RXRA: variants seen among roughly 807,000 people sequenced by gnomAD.
RXRA encodes retinoic acid receptor RXR-alpha.
RXRA carries 5 observed loss-of-function variants against 44.5 expected under a neutral mutation model. That is an observed-to-expected ratio of 0.11 (90% CI 0.06 to 0.24). The LOEUF is 0.24. Among genes scored for constraint, RXRA ranks in the 10% least tolerant of loss-of-function variants. RXRA has a pLI of 1.00. For synonymous variants in RXRA, 291 were observed against 271.4 expected, an observed-to-expected ratio of 1.07 and a Z score of -0.71; for missense variants, 412 against 646.5, an observed-to-expected ratio of 0.64 and a Z score of 3.93.
intron 6 of RXRA, chr9:134,422,931 T>C (rs563678019): frequency 2.0e-6 from 2 of 985,476 alleles, no homozygotes; most frequent in East Asian, 2.3e-4. Flanking sequence ...CGCAGCTCTC[T>C]TTCCATGCGG....
intron 1 of RXRA, among the ~76,000 whole-genome samples, chr9:134,401,141 C>T (rs991207916): frequency 1.3e-5 from 2 of 152,228 alleles, no homozygotes; most frequent in African/African-American, 4.8e-5. Flanking sequence ...ACGAATTTAC[C>T]CACGCTCAGA....
At chr9:134,381,440 G>C (rs1830645175) in intron 1 of RXRA, among the ~76,000 whole-genome samples, 1 of 152,160 alleles carries the variant, frequency 6.6e-6, no homozygotes, top group African/African-American at 2.4e-5. Context: ...GTCTGAGCGG[G>C]AGAGGGAAGG....
rs571426922 is a variant in RXRA, at chr9:134,433,951, C to T, written c.1136-151C>T. The T allele has an allele frequency of 4.4e-5, 26 of 589,150 alleles. No individual in the cohort carries two copies. The highest frequency in any genetic ancestry group is 8.7e-5 in the East Asian group (3 of 34,556). 36.5% of individuals were successfully genotyped at this position (589,150 alleles called of 1,614,324 possible). ...CCCCTGCCACCAGGCTCTGGGGGAG[C>T]GGGCGGAGGCATGTCCAGCGGCATT... On this transcript the variant is annotated intron_variant, in intron 8 of 9. Transcript: ENST00000481739. The surrounding 1 kb of genome is among the most constrained non-coding windows in gnomAD (Gnocchi z 4.2).
chr9:134,368,409 C>G (rs145383682), intron 1 of RXRA, among the ~76,000 whole-genome samples: 1 of 152,388 alleles, frequency 6.6e-6, no homozygotes, highest in Non-Finnish European at 1.5e-5. Context: ...CCACCGGGTC[C>G]TTCCCGCACT....
At chr9:134,375,080 C>T (rs1342705861) in intron 1 of RXRA, among the ~76,000 whole-genome samples, 1 of 152,152 alleles carries the variant, frequency 6.6e-6, no homozygotes, top group East Asian at 1.9e-4. Flanking sequence ...GAGACCCCTA[C>T]CCCAACTGAG....
Position 134,439,119 on chromosome 9 carries a change from A to G in RXRA, c.*2505A>G, listed in dbSNP as rs1346378965. 6.6e-6 allele frequency: 1 copy of G among 152,252 alleles called. No homozygotes were observed. Among genetic ancestry groups the G allele is most frequent in the East Asian group, 1.9e-4 (1 of 5,188 alleles). 9.4% of individuals were successfully genotyped at this position (152,252 alleles called of 1,614,324 possible). A position where few individuals can be genotyped will look rare whatever the true frequency, so the allele number is the denominator to read the frequency against. On this transcript the variant is annotated 3_prime_UTR_variant, in exon 10 of 10. Transcript: ENST00000481739. Reference sequence around the variant, plus strand: ...GTAGTAGTATTACCAATCCAGTTCAATTAAGGTGATTTTTTGTAATTATTA... The same window carrying G: ...GTAGTAGTATTACCAATCCAGTTCAGTTAAGGTGATTTTTTGTAATTATTA...
intron 6 of RXRA, chr9:134,422,564 C>G: frequency 8.6e-7 from 1 of 1,166,806 alleles, no homozygotes; most frequent in Non-Finnish European, 1.1e-6. Flanking sequence ...ACAGTCCCCA[C>G]TCCCGGGACA....
rs1830109559 is a variant in RXRA at position 134,343,364 on chromosome 9, TG to T, written c.28+16708del. 6.6e-6 allele frequency among the ~76,000 whole-genome samples: 1 copy of T among 152,050 alleles called. No individual in the cohort carries two copies. The highest frequency in any genetic ancestry group is 2.1e-4 in the South Asian group (1 of 4,828). On this transcript the variant is annotated intron_variant, in intron 1 of 9. Coordinates refer to ENST00000481739, the MANE Select transcript of RXRA (RefSeq NM_002957.6). The surrounding 1 kb of genome is among the most constrained non-coding windows in gnomAD (Gnocchi z 4.1). ...TCTGAACCTCAGTGTCTTTGAGGGC[TG>T]GGAGGAGGAGTTTCTTCTTCTGGGT...
Position 134,438,326 on chromosome 9 carries a change from T to C in RXRA, c.*1712T>C, listed in dbSNP as rs1452707217. ...GGCTTGGAGAGGCAGCTTTCCAGCC[T>C]TGGTGGGGAAGAAAGTGTCCATTCT... On this transcript the variant is annotated 3_prime_UTR_variant, in exon 10 of 10. Coordinates refer to ENST00000481739, the MANE Select transcript of RXRA (RefSeq NM_002957.6). 3 of 152,308 alleles carry C rather than the reference T, an allele frequency of 2.0e-5. No homozygotes were observed. Among genetic ancestry groups the C allele is most frequent in the Non-Finnish European group, 4.4e-5 (3 of 68,112 alleles). The allele number at this position is 152,308 out of a possible 1,614,324, so 9.4% of individuals were successfully genotyped here. A position where few individuals can be genotyped will look rare whatever the true frequency, so the allele number is the denominator to read the frequency against.
intron 8 of RXRA, 64 bp from the exon 9 acceptor site, chr9:134,434,038 C>G: frequency 7.8e-7 from 1 of 1,283,576 alleles, no homozygotes; most frequent in Non-Finnish European, 1.1e-6. Context: ...AGCCTGGGTC[C>G]TGGGGGCAGG....
At chr9:134,331,778 T>A (rs2119009663) in intron 1 of RXRA, among the ~76,000 whole-genome samples, 1 of 134,610 alleles carries the variant, frequency 7.4e-6, no homozygotes, top group East Asian at 2.1e-4. Context: ...TGGGGCCTGC[T>A]TTTTCTCCGG....
chr9:134,420,638 A>G (rs1240470703), intron 5 of RXRA, among the ~76,000 whole-genome samples: 1 of 152,230 alleles, frequency 6.6e-6, no homozygotes, highest in African/African-American at 2.4e-5. Flanking sequence ...AGCTCTTCAA[A>G]GGGAGGCATT....
intron 4 of RXRA, among the ~76,000 whole-genome samples, chr9:134,415,623 G>A (rs1831221378): frequency 6.6e-6 from 1 of 152,062 alleles, no homozygotes; most frequent in South Asian, 2.1e-4. Flanking sequence ...CCTCTGCCAG[G>A]CCATACCCTT....
At chr9:134,422,677 G>A (rs1389122344) in intron 6 of RXRA, 13 of 984,960 alleles carry the variant, frequency 1.3e-5, no homozygotes, top group Middle Eastern at 5.2e-4. Flanking sequence ...CCCCACTCCC[G>A]GGACACTCCC....
intron 4 of RXRA, among the ~76,000 whole-genome samples, chr9:134,415,155 C>T (rs1831213435): frequency 6.6e-6 from 1 of 152,238 alleles, no homozygotes; most frequent in Non-Finnish European, 1.5e-5. Flanking sequence ...GCCTGAGTCT[C>T]CCTGTGTGGG....
chr9:134,347,830 G>A (rs1240469562), intron 1 of RXRA, among the ~76,000 whole-genome samples: 1 of 152,190 alleles, frequency 6.6e-6, no homozygotes, highest in African/African-American at 2.4e-5. Flanking sequence ...GCTGGTGGGT[G>A]ACAGAGCCAG....
chr9:134,366,206 G>A lies in RXRA; in HGVS notation c.29-35426G>A, dbSNP rs932332102. On this transcript the variant is annotated intron_variant, in intron 1 of 9. Coordinates refer to ENST00000481739, the MANE Select transcript of RXRA (RefSeq NM_002957.6). This position sits in a 1 kb window ranked among gnomAD's most constrained non-coding sequence, Gnocchi z 5.9. ...CTGGTGGCTCCGTGTGGCATGTTCT[G>A]GGCTGTGTGTGGGGCCAGGGAGGGT... 1.6e-4 allele frequency among the ~76,000 whole-genome samples: 24 copies of A among 152,214 alleles called. No homozygotes were observed. Among genetic ancestry groups the A allele is most frequent in the African/African-American group, 5.5e-4 (23 of 41,550 alleles).
At chr9:134,387,316 G>T (rs571328667) in intron 1 of RXRA, among the ~76,000 whole-genome samples, 4 of 152,270 alleles carry the variant, frequency 2.6e-5, no homozygotes, top group Admixed American at 2.0e-4. Context: ...TGCCTTCACA[G>T]ATGTCCCTAG....
At chr9:134,383,793 C>T (rs537671362) in intron 1 of RXRA, among the ~76,000 whole-genome samples, 24 of 152,264 alleles carry the variant, frequency 1.6e-4, no homozygotes, top group African/African-American at 5.8e-4. Flanking sequence ...CAGGCAGAAC[C>T]GTCCCATGCC....
Sources: allele counts gnomAD v4.1 joint callset (sites outside exome capture counted in the v4.1 genomes callset), GRCh38; gene constraint gnomAD v4.1.1; non-coding constraint Gnocchi (gnomAD v3.1); transcripts MANE v1.5; gene names NCBI Gene and HGNC (gene_info 2026-07-23, HGNC 2026-07-21).